The following C10orf67 variants were observed in gnomAD, a reference collection of about 807,000 sequenced individuals.
The protein encoded by C10orf67 is uncharacterized protein C10orf67, mitochondrial.
In C10orf67, 60 loss-of-function variants were observed where a neutral mutation model predicts 35.6. That is an observed-to-expected ratio of 1.68 (90% CI 1.37 to 2.09). The LOEUF is 2.09. Among genes scored for constraint, C10orf67 ranks in the 30% most tolerant of loss-of-function variants. The pLI is 0.00. For missense variants in C10orf67, 474 were observed against 330.2 expected (o/e 1.44, Z -3.38); for synonymous variants, 167 against 115.8 (o/e 1.44, Z -2.84).
intron 13 of C10orf67, among the ~76,000 whole-genome samples, chr10:23,233,500 T>A (rs1225650107): frequency 1.3e-5 from 2 of 152,212 alleles, no homozygotes; most frequent in Non-Finnish European, 2.9e-5. Context: ...GAAGTCATGA[T>A]TTTTAAAAAG....
chr10:23,230,260 T>C (rs1378645296), intron 13 of C10orf67, among the ~76,000 whole-genome samples: 3 of 152,056 alleles, frequency 2.0e-5, no homozygotes, highest in Non-Finnish European at 4.4e-5. Context: ...TTATTTATAA[T>C]AAAAGGAAAT....
chr10:23,344,428 C>A, intron 1 of C10orf67, 141 bp downstream of exon 1: 1 of 843,492 alleles, frequency 1.2e-6, no homozygotes, highest in Non-Finnish European at 1.8e-6. Context: ...CTCAAGGCTT[C>A]CCCACAAGAC....
chr10:23,256,194 G>A (rs1842596021), intron 10 of C10orf67, among the ~76,000 whole-genome samples: 1 of 152,022 alleles, frequency 6.6e-6, no homozygotes, highest in African/African-American at 2.4e-5. Context: ...TAGAGAAGAA[G>A]TCTTGCTATG....
At chr10:23,277,679 C>T (rs1048244662) in intron 8 of C10orf67, among the ~76,000 whole-genome samples, 1 of 151,966 alleles carries the variant, frequency 6.6e-6, no homozygotes, top group Non-Finnish European at 1.5e-5. Flanking sequence ...CCATTTATGT[C>T]AGCATGTAAA....
intron 8 of C10orf67, among the ~76,000 whole-genome samples, chr10:23,268,574 A>G (rs1009777782): frequency 1.3e-5 from 2 of 152,140 alleles, no homozygotes; most frequent in Non-Finnish European, 2.9e-5. Flanking sequence ...AGGGCTGTCT[A>G]ATGACATCTT....
intron 10 of C10orf67, among the ~76,000 whole-genome samples, chr10:23,262,948 G>T (rs375232442): frequency 4.6e-5 from 7 of 152,052 alleles, no homozygotes; most frequent in African/African-American, 1.4e-4. Context: ...ACATTTTAGG[G>T]TTATCCATAT....
At chr10:23,335,227 G>A (rs11013399) in intron 1 of C10orf67, among the ~76,000 whole-genome samples, 4,834 of 151,120 alleles carry the variant, frequency 0.032, 233 homozygotes, top group African/African-American at 0.11. Context: ...TTTGACTGAT[G>A]ACTTTGCTCA....
rs183953667 is a variant in C10orf67, at chr10:23,305,238, T to C, written c.547-1779A>G. 3.5e-4 allele frequency among the ~76,000 whole-genome samples: 53 copies of C among 152,144 alleles called. 2 individuals are homozygous for C. Among genetic ancestry groups the C allele is most frequent in the Admixed American group, 2.9e-3 (45 of 15,272 alleles). On this transcript the variant is annotated intron_variant, in intron 4 of 15. Transcript: ENST00000636213. ...ATCTGCAAATCATTTGATAAGTAAATCAAAATAATTATCTTTAAGAAGCTC... is the reference window on the plus strand; with the variant it reads ...ATCTGCAAATCATTTGATAAGTAAACCAAAATAATTATCTTTAAGAAGCTC...
Position 23,280,389 on chromosome 10 carries a change from T to C in C10orf67, c.975+1624A>G, listed in dbSNP as rs11013363. On this transcript the variant is annotated intron_variant, in intron 8 of 15. Transcript: ENST00000636213. ...TCCTGGGTCCTGGAAAAACGCAGGA[T>C]AGCGAGAAACAAAGGAAGCACAAAA... is the stretch of plus-strand genomic sequence containing the variant. Among the ~76,000 whole-genome samples, 462 of 152,258 alleles carry C rather than the reference T, an allele frequency of 3.0e-3. 4 individuals carry two copies. The highest frequency in any genetic ancestry group is 5.3e-3 in the Non-Finnish European group (360 of 68,018).
chr10:23,267,966 A>AATTTT (rs1842925936), intron 8 of C10orf67, among the ~76,000 whole-genome samples: 1 of 152,162 alleles, frequency 6.6e-6, no homozygotes, highest in Admixed American at 6.5e-5. Flanking sequence ...GAACTTCAAT[A>AATTTT]ACGTAATGAA....
intron 4 of C10orf67, among the ~76,000 whole-genome samples, chr10:23,307,608 G>GTTTT (rs56738859): frequency 4.4e-4 from 60 of 135,776 alleles, no homozygotes; most frequent in South Asian, 1.4e-3. Context: ...TTTTTATTTA[G>GTTTT]TTTTTTTTTT....
chr10:23,213,963 G>A (rs1408077634), intron 15 of C10orf67, among the ~76,000 whole-genome samples: 1 of 150,986 alleles, frequency 6.6e-6, no homozygotes, highest in African/African-American at 2.4e-5. Context: ...AGAGAAAAAT[G>A]CAATATAAAA....
intron 13 of C10orf67, 150 bp from the exon 14 acceptor site, chr10:23,223,968 T>G (rs537526665): frequency 1.6e-6 from 1 of 617,276 alleles, no homozygotes; most frequent in African/African-American, 1.8e-5. Context: ...GAAATCCTTT[T>G]CTTCATTCCA....
intron 15 of C10orf67, among the ~76,000 whole-genome samples, chr10:23,209,183 A>T (rs1056611219): frequency 6.6e-6 from 1 of 152,198 alleles, no homozygotes; most frequent in African/African-American, 2.4e-5. Context: ...ACTTGATTTT[A>T]TCTTGAAAGC....
In C10orf67 at chr10:23,279,241, G is replaced by A. The variant is rs373784206; in HGVS notation, c.975+2772C>T. Among the ~76,000 whole-genome samples, 122 of 152,312 alleles carry A rather than the reference G, an allele frequency of 8.0e-4. No individual in the cohort carries two copies. In the South Asian group the frequency reaches 0.025, roughly 31 times the overall value. On this transcript the variant is annotated intron_variant, in intron 8 of 15. Coordinates refer to ENST00000636213, the MANE Select transcript of C10orf67 (RefSeq NM_001371909.1). ...CATGGACAGCAGAACTTGCTCCTCTGCCTTCCATGGCATACAGGGACACAG... is the reference window on the plus strand; with the variant it reads ...CATGGACAGCAGAACTTGCTCCTCTACCTTCCATGGCATACAGGGACACAG...
At chr10:23,279,643 G>C (rs1285663750) in intron 8 of C10orf67, among the ~76,000 whole-genome samples, 3 of 152,160 alleles carry the variant, frequency 2.0e-5, no homozygotes, top group Non-Finnish European at 4.4e-5. Flanking sequence ...GTGTTTTTCT[G>C]ATGAGGACCC....
intron 13 of C10orf67, among the ~76,000 whole-genome samples, chr10:23,239,326 G>A (rs1283788157): frequency 6.6e-6 from 1 of 152,134 alleles, no homozygotes; most frequent in African/African-American, 2.4e-5. Flanking sequence ...TTGGCACTAG[G>A]AACAGATTCT....
chr10:23,204,013 TCGAGCG>T lies in C10orf67; in HGVS notation c.*154_*159del. 2.6e-6 allele frequency: 1 copy of T among 386,508 alleles called. No individual in the cohort carries two copies. 23.9% of individuals were successfully genotyped at this position (386,508 alleles called of 1,614,324 possible). ...GCACAAGGCGCGCATTGAGGTCTAT[TCGAGCG>T]CAGTGCTGGTTAATATACATAATCT... is the stretch of plus-strand genomic sequence containing the variant. On this transcript the variant is annotated 3_prime_UTR_variant, in exon 16 of 16. Transcript: ENST00000636213.
At position 23,308,687 on chromosome 10, in the gene C10orf67, C is replaced by A. The variant is rs11013377; in HGVS notation, c.547-5228G>T. Among the ~76,000 whole-genome samples, 9,072 of 152,122 alleles carry A rather than the reference C, an allele frequency of 0.06. 1,231 individuals are homozygous for A. The East Asian group carries it at 0.62, about 10-fold the overall frequency. ...GCCTGAGTCTGCAGACCAGCTCTGT[C>A]AGCTTGGGACCTTGAACAAGTTTCT... On this transcript the variant is annotated intron_variant, in intron 4 of 15. Coordinates refer to ENST00000636213, the MANE Select transcript of C10orf67 (RefSeq NM_001371909.1).
Sources: allele counts gnomAD v4.1 joint callset (sites outside exome capture counted in the v4.1 genomes callset), GRCh38; gene constraint gnomAD v4.1.1; transcripts MANE v1.5; gene names NCBI Gene and HGNC (gene_info 2026-07-23, HGNC 2026-07-21).